RGS12: variants seen among roughly 807,000 people sequenced by gnomAD.
RGS12 encodes the protein regulator of G protein signaling 12.
In RGS12, 66 loss-of-function variants were observed where a neutral mutation model predicts 120.1. That is an observed-to-expected ratio of 0.55 (90% CI 0.45 to 0.67). The LOEUF (loss-of-function observed/expected upper bound fraction) is 0.67. Among genes scored for constraint, RGS12 ranks in the 30% least tolerant of loss-of-function variants. The pLI is 0.00. For synonymous variants in RGS12, 827 were observed against 804.7 expected (o/e 1.03, Z -0.47); for missense variants, 1,859 against 1,957.7 (o/e 0.95, Z 0.95).
intron 4 of RGS12, among the ~76,000 whole-genome samples, chr4:3,403,168 T>C (rs994943694): frequency 1.3e-5 from 2 of 152,234 alleles, no homozygotes; most frequent in African/African-American, 4.8e-5. Context: ...GGACTTGGTG[T>C]CACTTCAGAC....
In RGS12 at chr4:3,343,064, T is replaced by G. The variant is rs911395206; in HGVS notation, c.1998+11T>G. The stretch of plus-strand genomic sequence containing the variant: ...CTTGATGATCTTGAGGTAATTTAAT[T>G]TTCATTTTTCTTCTTTTCTCCTTCA... On this transcript the variant is annotated intron_variant, in intron 3 of 17. Coordinates refer to ENST00000336727, the MANE Select transcript of RGS12 (RefSeq NM_001394154.1). 6 of 1,575,650 alleles carry G rather than the reference T, an allele frequency of 3.8e-6. No homozygotes were observed. The highest frequency in any genetic ancestry group is 5.2e-6 in the Non-Finnish European group (6 of 1,146,978).
intron 2 of RGS12, chr4:3,324,332 A>ACCAAGGT (rs1725416718): frequency 1.2e-5 from 2 of 163,524 alleles, no homozygotes; most frequent in Admixed American, 1.3e-4. Context: ...CTCGTTCTCC[A>ACCAAGGT]CCAAGGTTGT....
intron 2 of RGS12, among the ~76,000 whole-genome samples, chr4:3,330,317 G>T (rs1158559166): frequency 6.6e-6 from 1 of 152,208 alleles, no homozygotes; most frequent in African/African-American, 2.4e-5. Context: ...TCTCCTGCTA[G>T]CAAATATCCT....
At chr4:3,377,925 C>T (rs1012937127) in intron 3 of RGS12, among the ~76,000 whole-genome samples, 4 of 152,180 alleles carry the variant, frequency 2.6e-5, no homozygotes, top group African/African-American at 9.7e-5. Context: ...ATTTTTAGAG[C>T]TGTTTAATTA....
chr4:3,409,458 G>T (rs1198021482), intron 4 of RGS12, among the ~76,000 whole-genome samples: 4 of 152,228 alleles, frequency 2.6e-5, no homozygotes, highest in African/African-American at 9.6e-5. Context: ...CAATACACCA[G>T]TCATCTTTCA....
chr4:3,439,534 G>GCGGGATGGTGGCATAGCGGGGGCA lies in RGS12; in HGVS notation c.4196_4219dup (p.Arg1399_Ala1406dup). On this transcript the variant is annotated inframe_insertion, in exon 18 of 18. Coordinates refer to ENST00000336727, the MANE Select transcript of RGS12 (RefSeq NM_001394154.1). Reference sequence around the variant, plus strand: ...ATCTTGTAACTGGCTCGGCGCCCGGGCGGGATGGTGGCATAGCGGGGGCAC... The same window carrying GCGGGATGGTGGCATAGCGGGGGCA: ...ATCTTGTAACTGGCTCGGCGCCCGGGCGGGATGGTGGCATAGCGGGGGCACGGGATGGTGGCATAGCGGGGGCAC... 6.2e-7 allele frequency: 1 copy of GCGGGATGGTGGCATAGCGGGGGCA among 1,612,718 alleles called. No homozygotes were observed. Among genetic ancestry groups the GCGGGATGGTGGCATAGCGGGGGCA allele is most frequent in the Non-Finnish European group, 8.5e-7 (1 of 1,179,846 alleles).
Position 3,303,221 on chromosome 4 carries a change from G to A in RGS12, c.-102+10122G>A, listed in dbSNP as rs555908870. ...GGGGAAGGACAAAGCGCTGGCAGCT[G>A]TGGGCAGGAGGAGGGTGAGGGCAGG... On this transcript the variant is annotated intron_variant, in intron 1 of 17. Coordinates refer to ENST00000336727, the MANE Select transcript of RGS12 (RefSeq NM_001394154.1). 8.5e-5 allele frequency among the ~76,000 whole-genome samples: 13 copies of A among 152,284 alleles called. No individual in the cohort carries two copies. In the South Asian group the frequency reaches 2.7e-3, roughly 32 times the overall value.
intron 1 of RGS12, among the ~76,000 whole-genome samples, chr4:3,302,280 G>C (rs1464549111): frequency 6.6e-6 from 1 of 152,070 alleles, no homozygotes; most frequent in Non-Finnish European, 1.5e-5. Flanking sequence ...TCACCAGGCC[G>C]GTGCCCAGAG....
At position 3,316,356 on chromosome 4, in the gene RGS12, C is replaced by T. The variant is rs918795771; in HGVS notation, c.186C>T (p.Asp62=). 2 of 1,612,608 alleles carry T rather than the reference C, an allele frequency of 1.2e-6. No individual in the cohort carries two copies. Among genetic ancestry groups the T allele is most frequent in the Admixed American group, 1.7e-5 (1 of 59,644 alleles). Residue 62 remains aspartate, a synonymous_variant, in exon 2 of 18, where the codon GAC becomes GAT. Transcript: ENST00000336727. The part of the protein sequence containing the change: ...PADFVGLRAG[D]QILAVNEINV... ...ATTTCGTGGGCCTCCGAGCTGGAGA[C>T]CAGATACTTGCTGTCAATGAAATCA...
intron 2 of RGS12, among the ~76,000 whole-genome samples, chr4:3,342,197 A>G (rs1193807548): frequency 2.0e-5 from 3 of 152,102 alleles, no homozygotes; most frequent in Admixed American, 6.5e-5. Flanking sequence ...CCCTTCCTTC[A>G]AGCCTGAAAT....
rs371728141 is a variant in RGS12 at position 3,417,103 on chromosome 4, C to G, written c.2607+11C>G. 1 of 1,585,600 alleles carries G rather than the reference C, an allele frequency of 6.3e-7. No individual in the cohort carries two copies. Among genetic ancestry groups the G allele is most frequent in the African/African-American group, 1.3e-5 (1 of 74,576 alleles). On this transcript the variant is annotated intron_variant, in intron 8 of 17. Transcript: ENST00000336727. ...TCCACGCCAAAAAAGGTGACCTCCC[C>G]GAGGCTGGCCTCACGCCCCTGTGGG... is the stretch of plus-strand genomic sequence containing the variant.
chr4:3,291,228 C>T (rs1033400521), upstream of RGS12, among the ~76,000 whole-genome samples: 6 of 152,240 alleles, frequency 3.9e-5, no homozygotes, highest in South Asian at 6.2e-4. Flanking sequence ...CTGAGCTCTG[C>T]GGCCTGCTTC....
Position 3,428,106 on chromosome 4 carries a change from G to C in RGS12, c.3348G>C (p.Gln1116His). Residue 1116 changes from glutamine (Q) to histidine (H), a missense_variant, in exon 15 of 18, where the codon CAG becomes CAC. By Grantham distance (24) the Gln-to-His change is conservative. Around this residue, in one of 3 missense-constraint regions of RGS12, gnomAD observed 517 missense variants for 488.5 expected, o/e 1.06. Coordinates refer to ENST00000336727, the MANE Select transcript of RGS12 (RefSeq NM_001394154.1). ...TATGTTTAGCATCCGCAGATAAACA[G>C]AAAGGTGTGCCAGTGAAACAGAACA... The part of the protein sequence containing the change: ...PSRGKASADK[Q>H]KGVPVKQNTA... The C allele has an allele frequency of 6.2e-7, 1 of 1,613,692 alleles. No individual in the cohort carries two copies. Among genetic ancestry groups the C allele is most frequent in the East Asian group, 2.2e-5 (1 of 44,880 alleles).
intron 4 of RGS12, among the ~76,000 whole-genome samples, chr4:3,411,902 C>T (rs987883222): frequency 2.0e-5 from 3 of 152,260 alleles, no homozygotes; most frequent in African/African-American, 7.2e-5. Context: ...TCTTGCAGTG[C>T]GTGCCGCCCC....
chr4:3,320,514 C>T (rs943721843), intron 2 of RGS12, among the ~76,000 whole-genome samples: 3 of 152,236 alleles, frequency 2.0e-5, no homozygotes, highest in Non-Finnish European at 4.4e-5. Flanking sequence ...GTGACTTGCT[C>T]ACAGTCACAG....
chr4:3,415,151 C>G (rs1722239847), intron 6 of RGS12, among the ~76,000 whole-genome samples: 1 of 115,462 alleles, frequency 8.7e-6, no homozygotes, highest in Non-Finnish European at 1.8e-5. Context: ...TGTGAGAGGG[C>G]CGCGTGTGTG....
chr4:3,296,078 G>T (rs1437161569), intron 1 of RGS12, among the ~76,000 whole-genome samples: 5 of 148,914 alleles, frequency 3.4e-5, no homozygotes, highest in African/African-American at 5.2e-5. Context: ...GCTTCTGGGG[G>T]CTGGAGGAAA....
At chr4:3,308,760 T>C (rs1311830835) in intron 1 of RGS12, among the ~76,000 whole-genome samples, 1 of 152,256 alleles carries the variant, frequency 6.6e-6, no homozygotes, top group African/African-American at 2.4e-5. Flanking sequence ...CGAAGATTCT[T>C]GTCTGCCTTT....
chr4:3,314,954 G>A (rs1560651318), intron 1 of RGS12: 1 of 152,250 alleles, frequency 6.6e-6, no homozygotes, highest in Non-Finnish European at 1.5e-5. Flanking sequence ...AACAAGGTTT[G>A]TGCTGAGAAC....
Sources: gnomAD v4.1 joint callset for allele counts (sites outside exome capture counted in the v4.1 genomes callset) on GRCh38, gnomAD v4.1.1 for gene constraint, gnomAD v4.1.1 regional missense constraint, MANE v1.5 for transcripts, NCBI Gene and HGNC (gene_info 2026-07-23, HGNC 2026-07-21) for gene names.